The following LRRC47 variants were observed in gnomAD, a reference collection of about 807,000 sequenced individuals.
The protein encoded by LRRC47 is leucine-rich repeat-containing protein 47.
Under a neutral mutation model 40.9 loss-of-function variants are expected in LRRC47, and 31 were observed. The ratio of observed to expected loss-of-function variants is 0.76; its 90% CI spans 0.57 to 1.02. LRRC47 has a LOEUF of 1.02. Among genes scored for constraint, LRRC47 ranks in the 50% least tolerant of loss-of-function variants. The pLI is 0.00. For synonymous variants in LRRC47, 427 were observed against 371.9 expected (o/e 1.15, Z -1.70); for missense variants, 726 against 796.1 (o/e 0.91, Z 1.06).
chr1:3,781,439 G>T, intron 6 of LRRC47, 73 bp downstream of exon 6: 1 of 1,570,820 alleles, frequency 6.4e-7, no homozygotes, highest in Non-Finnish European at 8.7e-7. Context: ...CAAGCAGGAC[G>T]GGTGGGAAGT....
chr1:3,789,726 AAG>A (rs1237563644), intron 1 of LRRC47, among the ~76,000 whole-genome samples: 1 of 152,204 alleles, frequency 6.6e-6, no homozygotes, highest in Non-Finnish European at 1.5e-5. Context: ...GAGGGAGGGC[AAG>A]AGAGTCACCA....
chr1:3,790,613 G>A (rs1570740210), intron 1 of LRRC47, among the ~76,000 whole-genome samples: 2 of 152,242 alleles, frequency 1.3e-5, no homozygotes, highest in African/African-American at 2.4e-5. Flanking sequence ...AGGGCCGGCC[G>A]GGTGCTCTCA....
intron 1 of LRRC47, among the ~76,000 whole-genome samples, chr1:3,788,347 G>T (rs1214953531): frequency 1.3e-5 from 2 of 152,234 alleles, no homozygotes; most frequent in Non-Finnish European, 2.9e-5. Context: ...GACCCTCGGG[G>T]ATCTCTGGCA....
intron 1 of LRRC47, 46 bp from the exon 2 acceptor site, chr1:3,787,356 G>A (rs1467667712): frequency 2.6e-6 from 4 of 1,542,840 alleles, no homozygotes; most frequent in Admixed American, 3.6e-5. Context: ...ACTCTGGGAA[G>A]AGAGTCCAAG....
intron 1 of LRRC47, among the ~76,000 whole-genome samples, chr1:3,791,389 G>A (rs188288742): frequency 6.6e-6 from 1 of 152,274 alleles, no homozygotes; most frequent in African/African-American, 2.4e-5. Context: ...AGACCCAACG[G>A]CACGCAGCCA....
rs1156642576 is a variant in LRRC47 at position 3,779,174 on chromosome 1, C to G, written c.*1914G>C. 6.6e-6 allele frequency: 1 copy of G among 152,246 alleles called. No homozygotes were observed. Among genetic ancestry groups the G allele is most frequent in the Non-Finnish European group, 1.5e-5 (1 of 68,060 alleles). The allele number at this position is 152,246 out of a possible 1,614,324, so 9.4% of individuals were successfully genotyped here. A position where few individuals can be genotyped will look rare whatever the true frequency, so the allele number is the denominator to read the frequency against. Reference sequence around the variant, plus strand: ...GGTGACCAGACAAGTGGGTCCAGGTCTCAAGGCAGCCTGGCCCATGTCCTG... The same window carrying G: ...GGTGACCAGACAAGTGGGTCCAGGTGTCAAGGCAGCCTGGCCCATGTCCTG... On this transcript the variant is annotated 3_prime_UTR_variant, in exon 7 of 7. Transcript: ENST00000378251.
At position 3,778,949 on chromosome 1, in the gene LRRC47, A is replaced by G. The variant is rs1200547169; in HGVS notation, c.*2139T>C. 6.6e-6 allele frequency: 1 copy of G among 152,430 alleles called. No individual in the cohort carries two copies. Among genetic ancestry groups the G allele is most frequent in the Non-Finnish European group, 1.5e-5 (1 of 68,200 alleles). 9.4% of individuals were successfully genotyped at this position (152,430 alleles called of 1,614,324 possible). A position where few individuals can be genotyped will look rare whatever the true frequency, so the allele number is the denominator to read the frequency against. Reference sequence around the variant, plus strand: ...CTGGGGAAGCCCCCGTGCCGCCTCAAGCCTCCAGCAGGGCAGGCCCCTGGC... The same window carrying G: ...CTGGGGAAGCCCCCGTGCCGCCTCAGGCCTCCAGCAGGGCAGGCCCCTGGC... On this transcript the variant is annotated 3_prime_UTR_variant, in exon 7 of 7. Transcript: ENST00000378251.
intron 1 of LRRC47, among the ~76,000 whole-genome samples, chr1:3,792,485 C>T (rs1035120254): frequency 2.6e-4 from 32 of 121,610 alleles, no homozygotes; most frequent in African/African-American, 1.1e-3. Context: ...TTTTGAGACG[C>T]AGTCTCACTT....
Position 3,787,052 on chromosome 1 carries a change from C to T in LRRC47, c.874G>A (p.Glu292Lys). 1 of 1,613,564 alleles carries T rather than the reference C, an allele frequency of 6.2e-7. No homozygotes were observed. Among genetic ancestry groups the T allele is most frequent in the Non-Finnish European group, 8.5e-7 (1 of 1,179,824 alleles). ...RKRRERKQRR[E>K]GGDGEEQDVG... ...TCCTGCTCCTCCCCATCACCACCTT[C>T]CCGCCTCTGCTTCCTCTCCCTCCTC... The change falls in exon 2 of 7, where the codon GAA (glutamate) becomes AAA (lysine). Residue 292 changes from glutamate (E) to lysine (K), a missense_variant. Physicochemically the swap from Glu to Lys is moderately conservative, Grantham distance 56. Transcript: ENST00000378251.
chr1:3,783,076 A>G, intron 4 of LRRC47: 1 of 271,852 alleles, frequency 3.7e-6, no homozygotes, highest in Non-Finnish European at 6.9e-6. Context: ...TAGCCACCTC[A>G]CTCCAGCCTG....
At position 3,781,180 on chromosome 1, in the gene LRRC47, G is replaced by A. The variant is rs758105044; in HGVS notation, c.1660C>T (p.Arg554Trp). The A allele has an allele frequency of 1.9e-5, 30 of 1,614,088 alleles. No individual in the cohort carries two copies. The highest frequency in any genetic ancestry group is 3.3e-5 in the Admixed American group (2 of 60,010). Residue 554 changes from arginine (R) to tryptophan (W), a missense_variant, in exon 7 of 7, where the codon CGG becomes TGG. Physicochemically the swap from Arg to Trp is moderately radical, Grantham distance 101. Transcript: ENST00000378251. ...AGGCTCCCTTCCAGATCCACCACCC[G>A]GACCTGCTCCACCACCAGAAGGGAG... is the stretch of plus-strand genomic sequence containing the variant. The part of the protein sequence containing the change: ...GPSLLVVEQV[R>W]VVDLEGSLKV...
chr1:3,794,024 T>C (rs1460649460), intron 1 of LRRC47, among the ~76,000 whole-genome samples: 2 of 152,000 alleles, frequency 1.3e-5, no homozygotes, highest in African/African-American at 4.8e-5. Flanking sequence ...TGAAACTCCA[T>C]CTCTACTAAA....
chr1:3,781,232 C>T lies in LRRC47; in HGVS notation c.1608G>A (p.Thr536=), dbSNP rs200399450. 10 of 1,614,192 alleles carry T rather than the reference C, an allele frequency of 6.2e-6. No individual in the cohort carries two copies. The Admixed American group carries it at 6.7e-5, about 11-fold the overall frequency. ...GCCCGTCCTTTCCAGCACTGGGATT[C>T]GTTGTGGGATCTGGAAGTTGTCCAG... ...AVSGQLPDPT[T]NPSAGKDGPS... is the part of the protein sequence containing the mutation. Residue 536 remains threonine (T), a synonymous_variant, in exon 7 of 7, where the codon ACG becomes ACA. Transcript: ENST00000378251.
At position 3,784,408 on chromosome 1, in the gene LRRC47, AGAG is replaced by A. The variant is rs372592184; in HGVS notation, c.1195-300_1195-298del. Among the ~76,000 whole-genome samples the A allele has an allele frequency of 1.4e-3, 206 of 152,342 alleles. 1 individual carries two copies. In the Middle Eastern group the frequency reaches 0.017, roughly 13 times the overall value. ...GGTCTGCCATCCTCAGAAGGCCAAA[AGAG>A]GAGAGAAAGGCTGAGCAGCCGGGAC... On this transcript the variant is annotated intron_variant, in intron 3 of 6. Transcript: ENST00000378251.
rs577959310 is a variant in LRRC47, at chr1:3,784,825, G to A, written c.1194+262C>T. ...AGCCTGACCAACATGGAGAAACCTC[G>A]TCTCTACTAAAAATACAAAATTAGC... On this transcript the variant is annotated intron_variant, in intron 3 of 6. Coordinates refer to ENST00000378251, the MANE Select transcript of LRRC47 (RefSeq NM_020710.3). Among the ~76,000 whole-genome samples the A allele has an allele frequency of 7.2e-5, 11 of 152,270 alleles. No individual in the cohort carries two copies. In the East Asian group the frequency reaches 1.5e-3, roughly 21 times the overall value.
At chr1:3,795,216 T>C (rs977787384) in intron 1 of LRRC47, among the ~76,000 whole-genome samples, 2 of 152,140 alleles carry the variant, frequency 1.3e-5, no homozygotes, top group African/African-American at 4.8e-5. Context: ...TACTTTCTTT[T>C]AGGCAACAGA....
At chr1:3,790,417 C>A (rs146370254) in intron 1 of LRRC47, among the ~76,000 whole-genome samples, 320 of 152,374 alleles carry the variant, frequency 2.1e-3, no homozygotes, top group African/African-American at 7.3e-3. Context: ...AAGGCACCGT[C>A]CTGCCCACAT....
At chr1:3,794,323 C>T (rs570334725) in intron 1 of LRRC47, among the ~76,000 whole-genome samples, 1 of 152,296 alleles carries the variant, frequency 6.6e-6, no homozygotes, top group African/African-American at 2.4e-5. Flanking sequence ...ATAAAATGAA[C>T]CCATTGGGCA....
At position 3,780,993 on chromosome 1, in the gene LRRC47, A is replaced by C; in HGVS notation, c.*95T>G. On this transcript the variant is annotated 3_prime_UTR_variant, in exon 7 of 7. Coordinates refer to ENST00000378251, the MANE Select transcript of LRRC47 (RefSeq NM_020710.3). ...CCATCTCAAAAAAAAAAACCAACAAAAAAACTGGGGTGAAAATCTAACGGA... is the reference window on the plus strand; with the variant it reads ...CCATCTCAAAAAAAAAAACCAACAACAAAACTGGGGTGAAAATCTAACGGA... 6.5e-7 allele frequency: 1 copy of C among 1,531,586 alleles called. No homozygotes were observed. Among genetic ancestry groups the C allele is most frequent in the Non-Finnish European group, 8.8e-7 (1 of 1,141,440 alleles). 94.9% of individuals were successfully genotyped at this position (1,531,586 alleles called of 1,614,324 possible).
Sources: gnomAD v4.1 joint callset for allele counts (sites outside exome capture counted in the v4.1 genomes callset) on GRCh38, gnomAD v4.1.1 for gene constraint, MANE v1.5 for transcripts, NCBI Gene and HGNC (gene_info 2026-07-23, HGNC 2026-07-21) for gene names.